CHSY1: variants seen among roughly 807,000 people sequenced by gnomAD.
CHSY1 encodes N-acetylgalactosaminyl-proteoglycan 3-beta-glucuronosyltransferase 1.
CHSY1 carries 13 observed loss-of-function variants against 59.8 expected under a neutral mutation model. The observed-to-expected ratio is 0.22, with a 90% CI of 0.14 to 0.35. The LOEUF is 0.35. Ranked by LOEUF, CHSY1 falls within the 10% of genes least tolerant of loss-of-function variation. The probability of loss-of-function intolerance (pLI) is 1.00; values close to 1 mark genes in which losing one functional copy is unlikely to be tolerated. For missense variants in CHSY1, 947 were observed against 1,030.6 expected, an observed-to-expected ratio of 0.92 and a Z score of 1.11; for synonymous variants, 459 against 401.2, an observed-to-expected ratio of 1.14 and a Z score of -1.72.
At chr15:101,221,693 C>T (rs2038790495) in intron 2 of CHSY1, among the ~76,000 whole-genome samples, 1 of 152,152 alleles carries the variant, frequency 6.6e-6, no homozygotes, top group Non-Finnish European at 1.5e-5. Context: ...AAATAAACCA[C>T]ATCATTTTAA....
At chr15:101,185,268 T>G (rs1596426549) in intron 2 of CHSY1, among the ~76,000 whole-genome samples, 1 of 152,234 alleles carries the variant, frequency 6.6e-6, no homozygotes, top group Admixed American at 6.5e-5. Context: ...CAATGAGATA[T>G]TAAAGCCAGG....
chr15:101,209,026 A>T (rs1174411734), intron 2 of CHSY1, among the ~76,000 whole-genome samples: 2 of 152,292 alleles, frequency 1.3e-5, no homozygotes, highest in Admixed American at 1.3e-4. Flanking sequence ...TGGGGGTGGG[A>T]GTTTGATGAG....
intron 2 of CHSY1, among the ~76,000 whole-genome samples, chr15:101,184,537 AT>A (rs1408442664): frequency 6.6e-6 from 1 of 151,872 alleles, no homozygotes; most frequent in East Asian, 2.0e-4. Context: ...TTTTGTAGAG[AT>A]GGGGTTTCAC....
chr15:101,235,725 G>A, intron 1 of CHSY1, 148 bp from the exon 2 acceptor site: 1 of 790,002 alleles, frequency 1.3e-6, no homozygotes, highest in Non-Finnish European at 2.0e-6. Context: ...CGAAAGCCCA[G>A]GTTACCGCGT....
intron 2 of CHSY1, among the ~76,000 whole-genome samples, chr15:101,195,550 G>C (rs1193423701): frequency 6.6e-6 from 1 of 152,258 alleles, no homozygotes; most frequent in Non-Finnish European, 1.5e-5. Flanking sequence ...GGCCGGGTGT[G>C]GTGGCCCATG....
At chr15:101,192,813 C>A (rs1227153491) in intron 2 of CHSY1, among the ~76,000 whole-genome samples, 2 of 152,188 alleles carry the variant, frequency 1.3e-5, no homozygotes, top group African/African-American at 2.4e-5. Context: ...AAATAACCTA[C>A]CTCCCTGCAC....
intron 2 of CHSY1, among the ~76,000 whole-genome samples, chr15:101,204,984 C>T (rs1463623808): frequency 3.3e-5 from 5 of 152,072 alleles, no homozygotes; most frequent in Admixed American, 6.6e-5. Flanking sequence ...ACTAATTTTT[C>T]GCAATACTAC....
chr15:101,203,992 T>C (rs906119631), intron 2 of CHSY1, among the ~76,000 whole-genome samples: 1 of 152,256 alleles, frequency 6.6e-6, no homozygotes, highest in African/African-American at 2.4e-5. Context: ...CTCTGTAGAT[T>C]ACATAACTGT....
chr15:101,235,068 A>G lies in CHSY1; in HGVS notation c.816+14T>C, dbSNP rs778341316. 1 of 1,612,862 alleles carries G rather than the reference A, an allele frequency of 6.2e-7. No individual in the cohort carries two copies. The highest frequency in any genetic ancestry group is 1.7e-5 in the Admixed American group (1 of 60,028). On this transcript the variant is annotated intron_variant, in intron 2 of 2. Transcript: ENST00000254190. ...AAATTAAGTTTTTCCCATGGTAAAG[A>G]ATTCTGTTCTTACCTCATAAGACCA...
intron 2 of CHSY1, among the ~76,000 whole-genome samples, chr15:101,220,188 G>A (rs1000866916): frequency 1.3e-5 from 2 of 152,134 alleles, no homozygotes; most frequent in Non-Finnish European, 2.9e-5. Context: ...CTAAGCAAAC[G>A]TAAATCAAAG....
intron 2 of CHSY1, among the ~76,000 whole-genome samples, chr15:101,227,125 T>C (rs2038848742): frequency 6.6e-6 from 1 of 152,182 alleles, no homozygotes; most frequent in South Asian, 2.1e-4. Flanking sequence ...AACAGTAAGC[T>C]TGGTGGCATT....
intron 2 of CHSY1, chr15:101,188,348 C>G (rs2038397674): frequency 4.9e-6 from 1 of 203,656 alleles, no homozygotes; most frequent in African/African-American, 2.4e-5. Context: ...CCACGGGTAA[C>G]TTACTGTCCC....
chr15:101,180,478 C>T (rs145037847), intron 2 of CHSY1, among the ~76,000 whole-genome samples: 52 of 152,300 alleles, frequency 3.4e-4, no homozygotes, highest in African/African-American at 1.2e-3. Flanking sequence ...GTGAGGTTTT[C>T]TGTGGGGGTA....
At chr15:101,190,855 G>C (rs2038434028) in intron 2 of CHSY1, among the ~76,000 whole-genome samples, 1 of 152,176 alleles carries the variant, frequency 6.6e-6, no homozygotes, top group African/African-American at 2.4e-5. Flanking sequence ...TGTCATCAGG[G>C]AGATGCAAAT....
chr15:101,251,029 C>G, intron 1 of CHSY1, 108 bp downstream of exon 1: 1 of 1,093,826 alleles, frequency 9.1e-7, no homozygotes, highest in Non-Finnish European at 1.3e-6. Context: ...GCCGGAAGCC[C>G]AAGAAGGGCC....
chr15:101,189,065 G>A (rs374244027), intron 2 of CHSY1, among the ~76,000 whole-genome samples: 37 of 152,338 alleles, frequency 2.4e-4, no homozygotes, highest in South Asian at 1.5e-3. Flanking sequence ...GAACGCTCCC[G>A]TGAAAGGCGC....
At chr15:101,217,241 G>C (rs1198780135) in intron 2 of CHSY1, among the ~76,000 whole-genome samples, 1 of 152,208 alleles carries the variant, frequency 6.6e-6, no homozygotes, top group African/African-American at 2.4e-5. Context: ...AAGGAGGCTA[G>C]AACGATCCAC....
intron 1 of CHSY1, among the ~76,000 whole-genome samples, chr15:101,244,344 T>A (rs936567140): frequency 8.5e-5 from 13 of 152,180 alleles, no homozygotes; most frequent in African/African-American, 3.1e-4. Context: ...GGAAAACGGT[T>A]GTGACACTAA....
chr15:101,251,031 AG>A lies in CHSY1; in HGVS notation c.320+105del, dbSNP rs925165654. On this transcript the variant is annotated intron_variant, in intron 1 of 2. Transcript: ENST00000254190. ...GCAACCCGATCCCGCCGGAAGCCCAAGAAGGGCCTAGGAAGCGGGCGGAGGC... is the reference window on the plus strand; with the variant it reads ...GCAACCCGATCCCGCCGGAAGCCCAAAAGGGCCTAGGAAGCGGGCGGAGGC... 22 of 1,097,736 alleles carry A rather than the reference AG, an allele frequency of 2.0e-5. No individual in the cohort carries two copies. In the Admixed American group the frequency reaches 4.5e-4, roughly 23 times the overall value. The allele number at this position is 1,097,736 out of a possible 1,614,324, so 68.0% of individuals were successfully genotyped here.
Sources: gnomAD v4.1 joint callset for allele counts (sites outside exome capture counted in the v4.1 genomes callset) on GRCh38, gnomAD v4.1.1 for gene constraint, MANE v1.5 for transcripts, NCBI Gene and HGNC (gene_info 2026-07-23, HGNC 2026-07-21) for gene names.